Variants in AKR1C3 observed in about 807,000 individuals in gnomAD.
AKR1C3 encodes the protein aldo-keto reductase family 1 member C3.
Under a neutral mutation model 43.6 loss-of-function variants are expected in AKR1C3, and 48 were observed. The observed-to-expected ratio is 1.10, with a 90% confidence interval of 0.87 to 1.40. AKR1C3 has a LOEUF of 1.40. Among genes scored for constraint, AKR1C3 ranks in the 40% most tolerant of loss-of-function variants. AKR1C3 has a pLI of 0.00. For missense variants in AKR1C3, 482 were observed against 391.2 expected (o/e 1.23, Z -1.96); for synonymous variants, 162 against 139.6 (o/e 1.16, Z -1.13).
intron 7 of AKR1C3, among the ~76,000 whole-genome samples, chr10:5,104,742 T>G (rs1366094619): frequency 6.6e-6 from 1 of 152,120 alleles, no homozygotes; most frequent in Non-Finnish European, 1.5e-5. Context: ...TTTTAATATA[T>G]ATATCATTAA....
At position 5,105,204 on chromosome 10, in the gene AKR1C3, A is replaced by ATTT. The variant is rs880003217; in HGVS notation, c.847-391_847-390insTTT. 316 of 158,544 alleles carry ATTT rather than the reference A, an allele frequency of 2.0e-3. 2 individuals are homozygous for ATTT. Among genetic ancestry groups the ATTT allele is most frequent in the Non-Finnish European group, 3.4e-3 (247 of 72,416 alleles). The allele number at this position is 158,544 out of a possible 1,614,324, so 9.8% of individuals were successfully genotyped here. A position where few individuals can be genotyped will look rare whatever the true frequency, so the allele number is the denominator to read the frequency against. On this transcript the variant is annotated intron_variant, in intron 7 of 8. Transcript: ENST00000380554. ...TTTATTAAAGAGATATAGAAATTCA[A>ATTT]CAATATCTATCAAACTTAATATATA...
chr10:5,095,332 G>T (rs1839181395), intron 1 of AKR1C3, among the ~76,000 whole-genome samples: 1 of 151,990 alleles, frequency 6.6e-6, no homozygotes, highest in Non-Finnish European at 1.5e-5. Context: ...TGATCTACAA[G>T]GATACATTTT....
chr10:5,072,311 C>T (rs1838627595), intron 1 of AKR1C3, among the ~76,000 whole-genome samples: 2 of 152,194 alleles, frequency 1.3e-5, no homozygotes, highest in South Asian at 2.1e-4. Flanking sequence ...TTAAAGCCTT[C>T]TGTTTAGAAA....
Position 5,094,421 on chromosome 10 carries a change from T to C in AKR1C3, c.-24T>C. ...CTGAGGAGAAGCAGCAGCAAACATT[T>C]GCTAGTCAGACAAGTGACAGGGAAT... On this transcript the variant is annotated 5_prime_UTR_variant, in exon 1 of 9. Transcript: ENST00000380554. The C allele has an allele frequency of 6.2e-7, 1 of 1,610,206 alleles. No individual in the cohort carries two copies. Among genetic ancestry groups the C allele is most frequent in the Non-Finnish European group, 8.5e-7 (1 of 1,177,286 alleles).
At chr10:5,089,576 T>A (rs1839042188), upstream of AKR1C3, among the ~76,000 whole-genome samples, 1 of 152,122 alleles carries the variant, frequency 6.6e-6, no homozygotes, top group South Asian at 2.1e-4. Flanking sequence ...TTCAGTGAAT[T>A]TTTTTGTTTT....
chr10:5,053,935 A>G (rs1554779274), intron 1 of AKR1C3, among the ~76,000 whole-genome samples: 1 of 152,210 alleles, frequency 6.6e-6, no homozygotes, highest in Middle Eastern at 3.2e-3. Context: ...AAGAAGGTTA[A>G]AAATACAGGG....
chr10:5,103,482 A>G (rs1032115154), intron 7 of AKR1C3, among the ~76,000 whole-genome samples: 8 of 152,182 alleles, frequency 5.3e-5, no homozygotes, highest in African/African-American at 1.9e-4. Context: ...TTCTCTAGTT[A>G]GAAAATTAGC....
intron 1 of AKR1C3, 172 bp from the exon 2 acceptor site, chr10:5,096,238 G>T: frequency 1.4e-6 from 1 of 699,426 alleles, no homozygotes; most frequent in South Asian, 2.4e-5. Flanking sequence ...GTGTTTCTGG[G>T]ATGCTCAACC....
Position 5,082,814 on chromosome 10 carries a change from C to T in AKR1C3, c.85-13596C>T, listed in dbSNP as rs578249221. On this transcript the variant is annotated intron_variant, in intron 1 of 8. Coordinates refer to the AKR1C3 transcript ENST00000439082. The stretch of plus-strand genomic sequence containing the variant: ...TCAGGATGATACTAGTTTAGTAGAA[C>T]AATTAGGGAGGAATGTCTCCACATT... 2.6e-5 allele frequency among the ~76,000 whole-genome samples: 4 copies of T among 152,158 alleles called. No individual in the cohort carries two copies. The East Asian group carries it at 7.7e-4, about 29-fold the overall frequency.
chr10:5,097,769 G>C, intron 3 of AKR1C3: 2 of 1,302,172 alleles, frequency 1.5e-6, no homozygotes, highest in Non-Finnish European at 2.0e-6. Context: ...CAACCTCAAA[G>C]CCTCTTCCTC....
At chr10:5,091,017 G>T (rs1839075891), upstream of AKR1C3, among the ~76,000 whole-genome samples, 1 of 152,092 alleles carries the variant, frequency 6.6e-6, no homozygotes, top group African/African-American at 2.4e-5. Context: ...TCAGAATAGT[G>T]TGCATTCAAT....
intron 4 of AKR1C3, among the ~76,000 whole-genome samples, 170 bp from the exon 5 acceptor site, chr10:5,099,142 TCTTACTCTTGCTGCC>T (rs1393759499): frequency 9.2e-5 from 14 of 152,204 alleles, no homozygotes; most frequent in Non-Finnish European, 1.9e-4. Flanking sequence ...AGATAGAAAT[TCTTACTCTTGCTGCC>T]TCTATCTTCT....
upstream of AKR1C3, among the ~76,000 whole-genome samples, chr10:5,092,414 A>G (rs1247720932): frequency 6.6e-5 from 10 of 150,748 alleles, no homozygotes; most frequent in Non-Finnish European, 1.3e-4. Flanking sequence ...TCAGAATCCA[A>G]TGCTGTGTAT....
At chr10:5,087,154 T>A (rs1838984903) in intron 1 of AKR1C3, among the ~76,000 whole-genome samples, 1 of 152,202 alleles carries the variant, frequency 6.6e-6, no homozygotes. Flanking sequence ...TGCAGTTTCT[T>A]CCTAGCCTCG....
chr10:5,101,936 T>C (rs533428512), intron 5 of AKR1C3, among the ~76,000 whole-genome samples, 165 bp from the exon 6 acceptor site: 6 of 152,340 alleles, frequency 3.9e-5, no homozygotes, highest in East Asian at 3.9e-4. Context: ...TTTTAGAAGA[T>C]ATATAAAATT....
At chr10:5,103,687 G>A (rs1053223442) in intron 7 of AKR1C3, among the ~76,000 whole-genome samples, 2 of 152,188 alleles carry the variant, frequency 1.3e-5, no homozygotes, top group Non-Finnish European at 2.9e-5. Context: ...CCAAGGCAGT[G>A]AGTGGACACA....
chr10:5,051,040 T>G (rs1414089688), intron 1 of AKR1C3, among the ~76,000 whole-genome samples: 1 of 152,252 alleles, frequency 6.6e-6, no homozygotes, highest in African/African-American at 2.4e-5. Context: ...CTCTTTGCTC[T>G]GTAGGCAGAT....
intron 1 of AKR1C3, among the ~76,000 whole-genome samples, chr10:5,061,701 G>C (rs1263008706): frequency 1.3e-5 from 2 of 152,158 alleles, no homozygotes; most frequent in Non-Finnish European, 2.9e-5. Context: ...TTGAGCTGTG[G>C]TAGGACAGGA....
chr10:5,083,584 T>C (rs554525259), intron 1 of AKR1C3, among the ~76,000 whole-genome samples: 73 of 152,340 alleles, frequency 4.8e-4, no homozygotes, highest in African/African-American at 1.7e-3. Flanking sequence ...ATCCTTTGGG[T>C]ATATACCCAG....
Sources: allele counts gnomAD v4.1 joint callset (sites outside exome capture counted in the v4.1 genomes callset), GRCh38; gene constraint gnomAD v4.1.1; transcripts MANE v1.5; gene names NCBI Gene and HGNC (gene_info 2026-07-23, HGNC 2026-07-21).